Variants in STK32B observed in about 807,000 individuals in gnomAD.
The protein encoded by STK32B is serine/threonine-protein kinase 32B.
A neutral mutation model predicts 52.6 loss-of-function variants in STK32B; 43 were observed. That is an observed-to-expected ratio of 0.82 (90% CI 0.64 to 1.05). The LOEUF is 1.05. Ranked by LOEUF, STK32B falls within the 50% of genes least tolerant of loss-of-function variation. The probability of loss-of-function intolerance (pLI) is 0.00; values close to 1 mark genes in which losing one functional copy is unlikely to be tolerated. For synonymous variants in STK32B, 238 were observed against 204.3 expected (o/e 1.17, Z -1.41); for missense variants, 621 against 534.6 (o/e 1.16, Z -1.59).
intron 1 of STK32B, among the ~76,000 whole-genome samples, chr4:5,102,742 C>T (rs1431827395): frequency 6.6e-6 from 1 of 150,958 alleles, no homozygotes; most frequent in African/African-American, 2.4e-5. Flanking sequence ...ACGGTTTTAC[C>T]ATTTTGGCCA....
intron 7 of STK32B, among the ~76,000 whole-genome samples, chr4:5,449,968 G>T (rs564592634): frequency 6.6e-6 from 1 of 152,100 alleles, no homozygotes; most frequent in Admixed American, 6.6e-5. Flanking sequence ...ATAATAAAGT[G>T]TAGAATAAAT....
At chr4:5,321,636 T>A (rs1021269024) in intron 3 of STK32B, among the ~76,000 whole-genome samples, 8 of 152,280 alleles carry the variant, frequency 5.3e-5, no homozygotes, top group African/African-American at 1.9e-4. Flanking sequence ...TACAAATTCT[T>A]TAGAAGCATG....
At chr4:5,169,570 G>A (rs1167968935) in intron 3 of STK32B, among the ~76,000 whole-genome samples, 2 of 152,124 alleles carry the variant, frequency 1.3e-5, no homozygotes, top group Non-Finnish European at 2.9e-5. Flanking sequence ...AAATCAAGGT[G>A]TGCGTGCCAG....
intron 3 of STK32B, among the ~76,000 whole-genome samples, chr4:5,249,148 T>A (rs1414584887): frequency 6.6e-6 from 1 of 152,198 alleles, no homozygotes; most frequent in African/African-American, 2.4e-5. Flanking sequence ...ACACCATTGC[T>A]CTCCTGCTGC....
At chr4:5,385,896 C>T (rs1261482367) in intron 4 of STK32B, among the ~76,000 whole-genome samples, 1 of 149,702 alleles carries the variant, frequency 6.7e-6, no homozygotes, top group Non-Finnish European at 1.5e-5. Flanking sequence ...CAGATCCACC[C>T]CTAGCTATAC....
chr4:5,441,634 G>A lies in STK32B; in HGVS notation c.563-5039G>A, dbSNP rs572703757. Among the ~76,000 whole-genome samples, 1,182 of 151,562 alleles carry A rather than the reference G, an allele frequency of 7.8e-3. 22 individuals are homozygous for A. The highest frequency in any genetic ancestry group is 0.027 in the African/African-American group (1,104 of 41,296). On this transcript the variant is annotated intron_variant, in intron 6 of 11. Coordinates refer to ENST00000282908, the MANE Select transcript of STK32B (RefSeq NM_018401.3). ...TCTGCTCTGGTTTTAGTTATTTCTT[G>A]CCTTCTGCTAGCTTTTGAATGTGTT... is the stretch of plus-strand genomic sequence containing the variant.
At chr4:5,165,742 G>A (rs746588174) in intron 2 of STK32B, among the ~76,000 whole-genome samples, 9 of 152,184 alleles carry the variant, frequency 5.9e-5, no homozygotes, top group Non-Finnish European at 1.2e-4. Flanking sequence ...ACGTTTGCAC[G>A]TCATACCTTT....
intron 4 of STK32B, among the ~76,000 whole-genome samples, chr4:5,397,983 A>G (rs1057294287): frequency 2.0e-5 from 3 of 152,250 alleles, no homozygotes; most frequent in African/African-American, 7.2e-5. Context: ...TCAGGAAAAA[A>G]TATTCAAACA....
At chr4:5,430,442 A>G (rs978224967) in intron 6 of STK32B, among the ~76,000 whole-genome samples, 1 of 152,134 alleles carries the variant, frequency 6.6e-6, no homozygotes, top group Non-Finnish European at 1.5e-5. Context: ...CTGTCTTTCT[A>G]TTGAAATCCC....
At chr4:5,249,086 AATAAAAT>A (rs1056446738) in intron 3 of STK32B, among the ~76,000 whole-genome samples, 1 of 133,712 alleles carries the variant, frequency 7.5e-6, no homozygotes, top group Non-Finnish European at 1.6e-5. Flanking sequence ...ATAATAAAAA[AATAAAAT>A]AAAGATACTA....
At chr4:5,072,530 C>T (rs903074688) in intron 1 of STK32B, among the ~76,000 whole-genome samples, 2 of 152,120 alleles carry the variant, frequency 1.3e-5, no homozygotes, top group African/African-American at 4.8e-5. Flanking sequence ...CATTTCAACA[C>T]CAAGACACTG....
At chr4:5,352,520 C>A (rs1201576024) in intron 4 of STK32B, among the ~76,000 whole-genome samples, 1 of 151,722 alleles carries the variant, frequency 6.6e-6, no homozygotes. Context: ...AATCCTTTCC[C>A]CTAGGAACTG....
intron 4 of STK32B, among the ~76,000 whole-genome samples, chr4:5,333,704 G>T (rs940099437): frequency 1.3e-5 from 2 of 152,188 alleles, no homozygotes; most frequent in African/African-American, 4.8e-5. Flanking sequence ...TGGCTAGCCA[G>T]TTTTCCCAGC....
At chr4:5,156,537 G>A (rs189932082) in intron 2 of STK32B, among the ~76,000 whole-genome samples, 87 of 152,232 alleles carry the variant, frequency 5.7e-4, no homozygotes, top group Non-Finnish European at 9.6e-4. Context: ...GAGCGTCCAC[G>A]GTGAAGTGCT....
At chr4:5,254,995 T>C (rs1385050531) in intron 3 of STK32B, among the ~76,000 whole-genome samples, 1 of 150,874 alleles carries the variant, frequency 6.6e-6, no homozygotes, top group Non-Finnish European at 1.5e-5. Flanking sequence ...GAGCATCTTA[T>C]GCACATGAGG....
At position 5,298,113 on chromosome 4, in the gene STK32B, G is replaced by A. The variant is rs1001290839; in HGVS notation, c.261-33107G>A. Among the ~76,000 whole-genome samples the A allele has an allele frequency of 2.6e-5, 4 of 152,172 alleles. No individual in the cohort carries two copies. In the East Asian group the frequency reaches 5.8e-4, roughly 22 times the overall value. On this transcript the variant is annotated intron_variant, in intron 3 of 11. Coordinates refer to ENST00000282908, the MANE Select transcript of STK32B (RefSeq NM_018401.3). ...CATTTGCCTGGGTATCACCAGCGGA[G>A]CCTGCAGAACAGCAAAGATTGCTGC...
At chr4:5,155,675 G>C (rs1353895106) in intron 2 of STK32B, among the ~76,000 whole-genome samples, 1 of 152,120 alleles carries the variant, frequency 6.6e-6, no homozygotes, top group African/African-American at 2.4e-5. Flanking sequence ...GAATTCTCAC[G>C]AGAGCTGATG....
intron 1 of STK32B, among the ~76,000 whole-genome samples, chr4:5,126,715 A>G (rs1715383931): frequency 6.6e-6 from 1 of 152,252 alleles, no homozygotes; most frequent in Non-Finnish European, 1.5e-5. Context: ...AACTTAGGAC[A>G]AATCAGGTGA....
chr4:5,444,880 C>T (rs1039706551), intron 6 of STK32B, among the ~76,000 whole-genome samples: 2 of 152,192 alleles, frequency 1.3e-5, no homozygotes, highest in Non-Finnish European at 2.9e-5. Flanking sequence ...TCCTGTTTCC[C>T]AGGGCACAAT....
Sources: allele counts gnomAD v4.1 joint callset (sites outside exome capture counted in the v4.1 genomes callset), GRCh38; gene constraint gnomAD v4.1.1; transcripts MANE v1.5; gene names NCBI Gene and HGNC (gene_info 2026-07-23, HGNC 2026-07-21).